ACTN2: variants seen among roughly 807,000 people sequenced by gnomAD.
ACTN2 encodes alpha-actinin-2.
In ACTN2, 39 loss-of-function variants were observed where a neutral mutation model predicts 113.8. The observed-to-expected ratio is 0.34, with a 90% CI of 0.27 to 0.45. The LOEUF (loss-of-function observed/expected upper bound fraction) is 0.45. ACTN2 is among the 20% of genes least tolerant of loss of function. The probability of loss-of-function intolerance (pLI) is 1.00; values close to 1 mark genes in which losing one functional copy is unlikely to be tolerated. For synonymous variants in ACTN2, 429 were observed against 444.1 expected (o/e 0.97, Z 0.43); for missense variants, 992 against 1,177.9 (o/e 0.84, Z 2.31).
intron 1 of ACTN2, among the ~76,000 whole-genome samples, chr1:236,713,562 A>G (rs1463718288): frequency 1.4e-5 from 2 of 144,150 alleles, no homozygotes; most frequent in Non-Finnish European, 3.0e-5. Flanking sequence ...GATTTGTGTT[A>G]AAGGGACCAA....
intron 15 of ACTN2, among the ~76,000 whole-genome samples, chr1:236,753,050 A>C (rs1256955866): frequency 2.0e-5 from 3 of 152,236 alleles, no homozygotes. Context: ...TAGCATTAAA[A>C]TGTAACTCAC....
At chr1:236,755,319 T>G in intron 17 of ACTN2, 121 bp downstream of exon 17, 1 of 1,175,842 alleles carries the variant, frequency 8.5e-7, no homozygotes. Flanking sequence ...AGTATGAAAG[T>G]TAGGGATCTT....
intron 1 of ACTN2, among the ~76,000 whole-genome samples, chr1:236,695,563 T>TCCCAC (rs1657467960): frequency 2.0e-5 from 2 of 100,794 alleles, no homozygotes; most frequent in Admixed American, 1.1e-4. Flanking sequence ...TGAAATGAGT[T>TCCCAC]CCCCCCCCCT....
In ACTN2 at chr1:236,690,235, G is replaced by A. The variant is rs565028445; in HGVS notation, c.126+3436G>A. On this transcript the variant is annotated intron_variant, in intron 1 of 20. Transcript: ENST00000366578. ...ACAGAGGCAGCCGCCCACAGGGTTC[G>A]GATTAAATAGAGAGCCTGGGAGCCT... Among the ~76,000 whole-genome samples the A allele has an allele frequency of 2.7e-4, 41 of 152,284 alleles. No homozygotes were observed. In the South Asian group the frequency reaches 8.1e-3, roughly 30 times the overall value.
rs1439009491 is a variant in ACTN2 at position 236,749,238 on chromosome 1, A to G, written c.1630A>G (p.Ile544Val). 1 of 1,614,172 alleles carries G rather than the reference A, an allele frequency of 6.2e-7. No individual in the cohort carries two copies. ...TATGGAGGATCTGCAAGATATGTTC[A>G]TTGTCCACAGCATTGAGGAGATCCA... ...GAMEDLQDMF[I>V]VHSIEEIQSL... The change falls in exon 14 of 21, where the codon ATT (isoleucine) becomes GTT (valine). Residue 544 changes from isoleucine (I) to valine (V), a missense_variant. Transcript: ENST00000366578.
intron 12 of ACTN2, 98 bp from the exon 13 acceptor site, chr1:236,747,569 T>C: frequency 9.3e-7 from 1 of 1,078,396 alleles, no homozygotes; most frequent in South Asian, 1.4e-5. Context: ...CAGATGTTTT[T>C]GTTTTTAAAC....
intron 13 of ACTN2, chr1:236,748,058 C>A: frequency 2.7e-6 from 1 of 371,930 alleles, no homozygotes; most frequent in Non-Finnish European, 5.1e-6. Context: ...AGTAACAGTA[C>A]GTTTCCAAAA....
chr1:236,727,654 C>G, intron 5 of ACTN2, 24 bp from the exon 6 acceptor site: 1 of 1,613,516 alleles, frequency 6.2e-7, no homozygotes, highest in South Asian at 1.1e-5. Flanking sequence ...ACACGTGTTC[C>G]TGTTCTTCTC....
intron 1 of ACTN2, among the ~76,000 whole-genome samples, chr1:236,700,939 A>G (rs765059595): frequency 6.6e-6 from 1 of 152,110 alleles, no homozygotes; most frequent in Non-Finnish European, 1.5e-5. Flanking sequence ...CTGAAAGATG[A>G]GAGATGGTGT....
intron 1 of ACTN2, among the ~76,000 whole-genome samples, chr1:236,707,589 T>G (rs1264439683): frequency 1.3e-5 from 2 of 152,182 alleles, no homozygotes; most frequent in Non-Finnish European, 2.9e-5. Context: ...CTATGGCACA[T>G]AGAAATGTTT....
At chr1:236,725,434 C>T (rs915079295) in intron 4 of ACTN2, among the ~76,000 whole-genome samples, 1 of 152,086 alleles carries the variant, frequency 6.6e-6, no homozygotes, top group Middle Eastern at 3.4e-3. Context: ...TCAAGACCAG[C>T]CTGGCCAACG....
Position 236,744,712 on chromosome 1 carries a change from G to A in ACTN2, c.1342G>A (p.Glu448Lys), listed in dbSNP as rs764031568. The A allele has an allele frequency of 9.9e-6, 16 of 1,614,074 alleles. No homozygotes were observed. The highest frequency in any genetic ancestry group is 1.7e-5 in the Admixed American group (1 of 60,012). ...TCTGCTGCGGAAGCACGAGGCGTTC[G>A]AGAGCGACCTGGCAGCGCACCAGGA... Reference protein sequence around the residue: ...RALLRKHEAFESDLAAHQDRV... With the variant: ...RALLRKHEAFKSDLAAHQDRV... The change falls in exon 12 of 21, where the codon GAG becomes AAG. Residue 448 changes from glutamate to lysine, a missense_variant. Glu to Lys is a moderately conservative substitution (Grantham distance 56, BLOSUM62 1). Transcript: ENST00000366578.
At chr1:236,737,290 C>T (rs549979377) in intron 9 of ACTN2, 76 bp downstream of exon 9, 24 of 446,718 alleles carry the variant, frequency 5.4e-5, no homozygotes, top group East Asian at 3.9e-4. Flanking sequence ...AAAAATACTC[C>T]GTGGGGGCAT....
intron 4 of ACTN2, among the ~76,000 whole-genome samples, chr1:236,724,657 A>G (rs1402367200): frequency 6.6e-6 from 1 of 151,928 alleles, no homozygotes; most frequent in Non-Finnish European, 1.5e-5. Context: ...TCTGCTGCTC[A>G]CCCCCCAGTC....
Position 236,734,406 on chromosome 1 carries a change from G to A in ACTN2, c.698-1229G>A, listed in dbSNP as rs1033005020. The stretch of plus-strand genomic sequence containing the variant: ...AGCCTGCTGGTATTAGAACATCCAC[G>A]CGGTTAACCTTCTTTTCTCCACACA... On this transcript the variant is annotated intron_variant, in intron 7 of 20. Transcript: ENST00000366578. The A allele has an allele frequency of 1.9e-5, 28 of 1,486,978 alleles. No individual in the cohort carries two copies. In the African/African-American group the frequency reaches 1.9e-4, roughly 10 times the overall value. 92.1% of individuals were successfully genotyped at this position (1,486,978 alleles called of 1,614,324 possible). A position where few individuals can be genotyped will look rare whatever the true frequency, so the allele number is the denominator to read the frequency against.
chr1:236,740,500 AT>A (rs1235275724), intron 10 of ACTN2, among the ~76,000 whole-genome samples: 1 of 151,874 alleles, frequency 6.6e-6, no homozygotes, highest in East Asian at 1.9e-4. Flanking sequence ...GCCAAAGTCA[AT>A]GGCATTCATG....
chr1:236,686,828 CGTGGTGGGGCCGGGTCCCCCGCG>C, intron 1 of ACTN2, 29 bp downstream of exon 1: 1 of 1,441,234 alleles, frequency 6.9e-7, no homozygotes, highest in Non-Finnish European at 9.2e-7. Flanking sequence ...GCCGCCCGCG[CGTGGTGGGGCCGGGTCCCCCGCG>C]GGGCTCCCGT....
At chr1:236,702,148 G>A (rs1179722414) in intron 1 of ACTN2, among the ~76,000 whole-genome samples, 1 of 152,200 alleles carries the variant, frequency 6.6e-6, no homozygotes, top group Non-Finnish European at 1.5e-5. Context: ...AAGTCTTGAA[G>A]TAGCGCTTCA....
intron 6 of ACTN2, among the ~76,000 whole-genome samples, chr1:236,728,229 C>T (rs950349355): frequency 2.7e-5 from 4 of 149,762 alleles, no homozygotes; most frequent in African/African-American, 4.9e-5. Context: ...CAGCAGGCTC[C>T]GCCTCCCGGG....
Sources: allele counts gnomAD v4.1 joint callset (sites outside exome capture counted in the v4.1 genomes callset), GRCh38; gene constraint gnomAD v4.1.1; transcripts MANE v1.5; gene names NCBI Gene and HGNC (gene_info 2026-07-23, HGNC 2026-07-21).